Variants in PPFIA2 observed in about 807,000 individuals in gnomAD.
The protein encoded by PPFIA2 is liprin-alpha-2.
Under a neutral mutation model 175.5 loss-of-function variants are expected in PPFIA2, and 46 were observed. The observed-to-expected ratio is 0.26, with a 90% CI of 0.21 to 0.34. The LOEUF (loss-of-function observed/expected upper bound fraction) is 0.34, where lower values mean the gene tolerates loss of function less well. Ranked by LOEUF, PPFIA2 falls within the 10% of genes least tolerant of loss-of-function variation. The pLI is 1.00. For missense variants in PPFIA2, 1,179 were observed against 1,506.1 expected, an observed-to-expected ratio of 0.78 and a Z score of 3.60; for synonymous variants, 568 against 511.4, an observed-to-expected ratio of 1.11 and a Z score of -1.49.
intron 3 of PPFIA2, among the ~76,000 whole-genome samples, chr12:81,701,068 C>T (rs1015803377): frequency 2.6e-5 from 4 of 152,066 alleles, no homozygotes; most frequent in African/African-American, 7.2e-5. Flanking sequence ...AGACTGACAG[C>T]TTGGGTTCCA....
chr12:81,642,697 C>CACGTGT (rs1567686934), intron 4 of PPFIA2, among the ~76,000 whole-genome samples: 164 of 6,726 alleles, frequency 0.024, 46 homozygotes, highest in African/African-American at 0.068. Context: ...TATATACATA[C>CACGTGT]ATGTATATGT....
intron 8 of PPFIA2, among the ~76,000 whole-genome samples, chr12:81,403,964 C>T (rs2042490736): frequency 6.6e-6 from 1 of 152,112 alleles, no homozygotes; most frequent in Non-Finnish European, 1.5e-5. Context: ...TCCTCTTGTT[C>T]CTGCTCTAAA....
chr12:81,525,713 A>G (rs2063655876), intron 4 of PPFIA2, among the ~76,000 whole-genome samples: 1 of 152,174 alleles, frequency 6.6e-6, no homozygotes, highest in South Asian at 2.1e-4. Flanking sequence ...CAAGCACTGG[A>G]AATTAATGCA....
rs1315874941 is a variant in PPFIA2 at position 81,413,650 on chromosome 12, T to A, written c.646-7747A>T. Reference sequence around the variant, plus strand: ...GGCAATTTCATTGCATCTTAAAATATAACATTAAAATGTATTCTCAAGTAT... The same window carrying A: ...GGCAATTTCATTGCATCTTAAAATAAAACATTAAAATGTATTCTCAAGTAT... On this transcript the variant is annotated intron_variant, in intron 7 of 32. Coordinates refer to ENST00000549396, the MANE Select transcript of PPFIA2 (RefSeq NM_003625.5). Among the ~76,000 whole-genome samples the A allele has an allele frequency of 2.0e-5, 3 of 151,930 alleles. No homozygotes were observed. In the East Asian group the frequency reaches 5.8e-4, roughly 29 times the overall value.
At chr12:81,703,742 G>A (rs114727793) in intron 3 of PPFIA2, among the ~76,000 whole-genome samples, 2,324 of 152,040 alleles carry the variant, frequency 0.015, 38 homozygotes, top group South Asian at 0.042. Context: ...TGGCTCTGAC[G>A]AGCTCACTGA....
intron 4 of PPFIA2, among the ~76,000 whole-genome samples, chr12:81,645,803 C>T (rs1200605355): frequency 6.6e-6 from 1 of 152,210 alleles, no homozygotes; most frequent in Non-Finnish European, 1.5e-5. Flanking sequence ...CATGAGAAGT[C>T]AGAATTCCTG....
In PPFIA2 at chr12:81,747,008, G is replaced by T. The variant is rs1568113579; in HGVS notation, c.249+6965C>A. Among the ~76,000 whole-genome samples, 2 of 143,572 alleles carry T rather than the reference G, an allele frequency of 1.4e-5. 1 individual carries two copies. 94.2% of individuals were successfully genotyped at this position (143,572 alleles called of 152,430 possible). A position where few individuals can be genotyped will look rare whatever the true frequency, so the allele number is the denominator to read the frequency against. On this transcript the variant is annotated intron_variant, in intron 3 of 32. Coordinates refer to ENST00000549396, the MANE Select transcript of PPFIA2 (RefSeq NM_003625.5). ...AGCATCACTAGATTTGCAAAATATT[G>T]GTGACATATATGAGTGTACTTTATT...
chr12:81,570,966 T>C (rs1321418121), intron 4 of PPFIA2, among the ~76,000 whole-genome samples: 1 of 152,030 alleles, frequency 6.6e-6, no homozygotes, highest in East Asian at 1.9e-4. Context: ...ATTTATATGG[T>C]CATATTTAAT....
chr12:81,435,474 A>G (rs1344974821), intron 7 of PPFIA2, among the ~76,000 whole-genome samples: 1 of 152,120 alleles, frequency 6.6e-6, no homozygotes. Context: ...AGAATAGATG[A>G]GCGATCAATG....
rs71098161 is a variant in PPFIA2 at position 81,692,109 on chromosome 12, G to GACACACACACACAC, written c.250-15279_250-15266dup. On this transcript the variant is annotated intron_variant, in intron 3 of 32. Transcript: ENST00000549396. ...ACACACACACACATACACAAACACA[G>GACACACACACACAC]ACACACACACACACACACACACACA... Among the ~76,000 whole-genome samples, 90 of 149,410 alleles carry GACACACACACACAC rather than the reference G, an allele frequency of 6.0e-4. 1 individual carries two copies. Among genetic ancestry groups the GACACACACACACAC allele is most frequent in the South Asian group, 1.1e-3 (5 of 4,668 alleles).
intron 2 of PPFIA2, among the ~76,000 whole-genome samples, chr12:81,756,189 G>T (rs971387982): frequency 9.2e-5 from 14 of 152,066 alleles, no homozygotes; most frequent in African/African-American, 3.4e-4. Context: ...ACAAAGTACT[G>T]GGAGAGCAAA....
intron 4 of PPFIA2, among the ~76,000 whole-genome samples, chr12:81,613,766 A>G (rs1353058432): frequency 6.6e-6 from 1 of 152,166 alleles, no homozygotes; most frequent in Non-Finnish European, 1.5e-5. Flanking sequence ...TGGAGTTGGT[A>G]TTCAATAACT....
rs1246566829 is a variant in PPFIA2, at chr12:81,323,184, TAAATA to T, written c.2642+2588_2642+2592del. Reference sequence around the variant, plus strand: ...ATTTAAAGTTACAGACTGTCAATTCTAAATAGCTGCTATCCTAGCAAATTTGAAAA... The same window carrying T: ...ATTTAAAGTTACAGACTGTCAATTCTGCTGCTATCCTAGCAAATTTGAAAA... On this transcript the variant is annotated intron_variant, in intron 22 of 32. Transcript: ENST00000549396. Among the ~76,000 whole-genome samples, 391 of 152,302 alleles carry T rather than the reference TAAATA, an allele frequency of 2.6e-3. 1 individual carries two copies. Among genetic ancestry groups the T allele is most frequent in the African/African-American group, 9.0e-3 (376 of 41,578 alleles).
chr12:81,368,553 T>G (rs900674257), intron 13 of PPFIA2, among the ~76,000 whole-genome samples, 172 bp downstream of exon 13: 9 of 151,830 alleles, frequency 5.9e-5, no homozygotes, highest in Non-Finnish European at 2.9e-5. Context: ...ATCCCAAATT[T>G]GATCTTACAC....
chr12:81,465,725 T>TATAAACAAAGCAACAA, intron 4 of PPFIA2, among the ~76,000 whole-genome samples: 2 of 152,232 alleles, frequency 1.3e-5, no homozygotes, highest in South Asian at 4.1e-4. Context: ...CTAGAACCGA[T>TATAAACAAAGCAACAA]TAATAACAGA....
chr12:81,389,814 C>T (rs982739661), intron 8 of PPFIA2, among the ~76,000 whole-genome samples: 1 of 152,016 alleles, frequency 6.6e-6, no homozygotes, highest in African/African-American at 2.4e-5. Flanking sequence ...ATTTACACGC[C>T]ATAAAACGCA....
intron 3 of PPFIA2, among the ~76,000 whole-genome samples, chr12:81,741,527 G>A (rs1198852106): frequency 6.6e-6 from 1 of 152,070 alleles, no homozygotes; most frequent in Admixed American, 6.6e-5. Flanking sequence ...CCTGACTCAA[G>A]CTTGTCCAAC....
chr12:81,268,958 T>C (rs1215004457), intron 28 of PPFIA2, among the ~76,000 whole-genome samples: 1 of 152,222 alleles, frequency 6.6e-6, no homozygotes, highest in Non-Finnish European at 1.5e-5. Context: ...CAATGCATTT[T>C]TCCCAATCAC....
intron 4 of PPFIA2, among the ~76,000 whole-genome samples, chr12:81,474,503 A>G (rs2057228485): frequency 1.3e-5 from 2 of 152,004 alleles, no homozygotes; most frequent in South Asian, 4.2e-4. Flanking sequence ...TGCTGGCTCC[A>G]CTGGTCTTGA....
Sources: allele counts gnomAD v4.1 joint callset (sites outside exome capture counted in the v4.1 genomes callset), GRCh38; gene constraint gnomAD v4.1.1; transcripts MANE v1.5; gene names NCBI Gene and HGNC (gene_info 2026-07-23, HGNC 2026-07-21).